Variants in HEMK2 observed in about 807,000 individuals in gnomAD.
HEMK2 encodes methyltransferase HEMK2.
the HEMK2 span, among the ~76,000 whole-genome samples, chr21:28,849,820 G>T: frequency 6.6e-6 from 1 of 152,044 alleles, no homozygotes; most frequent in Non-Finnish European, 1.5e-5. Flanking sequence ...CAAAAATAAA[G>T]AAATAATAAA....
the HEMK2 span, among the ~76,000 whole-genome samples, chr21:28,701,824 A>G: frequency 4.3e-4 from 65 of 152,320 alleles, no homozygotes; most frequent in African/African-American, 1.4e-3. Context: ...ATAATTAGAA[A>G]AAACTATTTT....
the HEMK2 span, among the ~76,000 whole-genome samples, chr21:28,881,668 GTTCC>G: frequency 1.0e-5 from 1 of 100,186 alleles, no homozygotes; most frequent in East Asian, 2.8e-4. Context: ...GCTTTGTTCT[GTTCC>G]ACAGGCTGGA....
the HEMK2 span, among the ~76,000 whole-genome samples, chr21:28,797,330 C>G: frequency 6.6e-6 from 1 of 151,868 alleles, no homozygotes; most frequent in African/African-American, 2.4e-5. Context: ...AACCAGTGGC[C>G]CATGCCTGTA....
the HEMK2 span, among the ~76,000 whole-genome samples, chr21:28,801,238 A>C: frequency 6.6e-6 from 1 of 152,258 alleles, no homozygotes; most frequent in Non-Finnish European, 1.5e-5. Context: ...CCATGGGGGA[A>C]AGGTGCTACT....
the HEMK2 span, among the ~76,000 whole-genome samples, chr21:28,742,450 G>A: frequency 6.6e-6 from 1 of 152,134 alleles, no homozygotes; most frequent in African/African-American, 2.4e-5. Flanking sequence ...ACATCTCTGA[G>A]GTTTAATTTC....
chr21:28,697,799 A>AAAAAAAAAAAAC, the HEMK2 span, among the ~76,000 whole-genome samples: 2 of 151,002 alleles, frequency 1.3e-5, no homozygotes, highest in Non-Finnish European at 3.0e-5. Flanking sequence ...AAAAAAAAAA[A>AAAAAAAAAAAAC]TCTTTTCTTT....
the HEMK2 span, among the ~76,000 whole-genome samples, chr21:28,815,381 T>TA: frequency 1.2e-3 from 176 of 145,022 alleles, 1 homozygote; most frequent in Non-Finnish European, 1.5e-3. Context: ...TAATAATAAT[T>TA]AAAAAAAAAA....
the HEMK2 span, among the ~76,000 whole-genome samples, chr21:28,657,798 C>A: frequency 6.6e-6 from 1 of 151,998 alleles, no homozygotes; most frequent in Admixed American, 6.6e-5. Flanking sequence ...CAACAATGAT[C>A]TTTTCTAACC....
the HEMK2 span, among the ~76,000 whole-genome samples, chr21:28,857,259 T>TA: frequency 2.6e-5 from 4 of 151,008 alleles, no homozygotes; most frequent in Non-Finnish European, 4.4e-5. Context: ...TGAATTTGAT[T>TA]AAAAAAAAAC....
At chr21:28,821,965 T>C in the HEMK2 span, among the ~76,000 whole-genome samples, 1 of 152,234 alleles carries the variant, frequency 6.6e-6, no homozygotes, top group Non-Finnish European at 1.5e-5. Context: ...TTTACCTCAG[T>C]AATACCTCCT....
the HEMK2 span, among the ~76,000 whole-genome samples, chr21:28,854,715 G>C: frequency 6.6e-6 from 1 of 152,160 alleles, no homozygotes. Flanking sequence ...GGCTAGGCCA[G>C]TTTCTCTTTT....
chr21:28,862,908 C>T, the HEMK2 span, among the ~76,000 whole-genome samples: 2 of 152,116 alleles, frequency 1.3e-5, no homozygotes, highest in East Asian at 1.9e-4. Flanking sequence ...TCTGGTTGTA[C>T]GAAGGATAGT....
chr21:28,715,918 T>C, the HEMK2 span, among the ~76,000 whole-genome samples: 3 of 152,192 alleles, frequency 2.0e-5, no homozygotes, highest in Non-Finnish European at 4.4e-5. Context: ...TATTGCTTAT[T>C]TTTGTTGGCT....
the HEMK2 span, among the ~76,000 whole-genome samples, chr21:28,746,241 A>C: frequency 3.9e-5 from 6 of 152,216 alleles, no homozygotes; most frequent in Non-Finnish European, 5.9e-5. Context: ...TGTGGCAGGC[A>C]GTATTCTGTA....
At chr21:28,743,179 G>A in the HEMK2 span, 1 of 152,176 alleles carries the variant, frequency 6.6e-6, no homozygotes, top group Non-Finnish European at 1.5e-5. Flanking sequence ...CTTGGAAAAT[G>A]TGGAGGTTGA....
At chr21:28,652,307 T>C in the HEMK2 span, among the ~76,000 whole-genome samples, 3 of 152,320 alleles carry the variant, frequency 2.0e-5, no homozygotes, top group East Asian at 3.9e-4. Context: ...TTCTTGGGCA[T>C]GTCATTGCCC....
At chr21:28,863,735 T>A in the HEMK2 span, among the ~76,000 whole-genome samples, 4 of 152,054 alleles carry the variant, frequency 2.6e-5, no homozygotes, top group Non-Finnish European at 4.4e-5. Context: ...TTTCTCTGTT[T>A]TTCAGAGTAA....
the HEMK2 span, among the ~76,000 whole-genome samples, chr21:28,642,970 G>C: frequency 2.0e-5 from 3 of 152,140 alleles, no homozygotes; most frequent in Non-Finnish European, 4.4e-5. Context: ...GCTTAGGGTC[G>C]CAGTTCCAGG....
chr21:28,875,944 TA>T, the HEMK2 span: 2 of 153,318 alleles, frequency 1.3e-5, no homozygotes, highest in Non-Finnish European at 2.9e-5. Context: ...CCAATCAGTG[TA>T]ATATTTTGTG....
Sources: gnomAD v4.1 joint callset for allele counts (sites outside exome capture counted in the v4.1 genomes callset) on GRCh38, gnomAD v4.1.1 for gene constraint, MANE v1.5 for transcripts, NCBI Gene and HGNC (gene_info 2026-07-23, HGNC 2026-07-21) for gene names.